Variants in MGMT observed in about 807,000 individuals in gnomAD.
MGMT encodes O-6-methylguanine-DNA methyltransferase.
MGMT carries 14 observed loss-of-function variants against 15.9 expected under a neutral mutation model. That is an observed-to-expected ratio of 0.88 (90% CI 0.58 to 1.37). MGMT has a LOEUF of 1.37. MGMT is among the 40% of genes most tolerant of loss of function. The pLI is 0.00. For missense variants in MGMT, 282 were observed against 268.1 expected, an observed-to-expected ratio of 1.05 and a Z score of -0.36; for synonymous variants, 130 against 118.2, an observed-to-expected ratio of 1.10 and a Z score of -0.65.
At chr10:129,619,015 T>C (rs1273417332) in intron 2 of MGMT, among the ~76,000 whole-genome samples, 2 of 152,240 alleles carry the variant, frequency 1.3e-5, no homozygotes, top group African/African-American at 4.8e-5. Flanking sequence ...AGGGTCTCCA[T>C]ACTGCATTCA....
rs569308293 is a variant in MGMT, at chr10:129,597,055, G to T, written c.125+60678G>T. Reference sequence around the variant, plus strand: ...ATCTGATCTTCCTCTCCTGTAGATTGTTAGGATAAATGAGCAAGAAGATTC... The same window carrying T: ...ATCTGATCTTCCTCTCCTGTAGATTTTTAGGATAAATGAGCAAGAAGATTC... On this transcript the variant is annotated intron_variant, in intron 2 of 4. Coordinates refer to ENST00000651593, the MANE Select transcript of MGMT (RefSeq NM_002412.5). 5.3e-5 allele frequency among the ~76,000 whole-genome samples: 8 copies of T among 152,264 alleles called. No individual in the cohort carries two copies. The East Asian group carries it at 9.7e-4, about 18-fold the overall frequency.
intron 1 of MGMT, among the ~76,000 whole-genome samples, chr10:129,495,140 A>G (rs1845507744): frequency 6.6e-6 from 1 of 152,264 alleles, no homozygotes; most frequent in African/African-American, 2.4e-5. Flanking sequence ...TTCAGGATTA[A>G]CAATTTACAT....
chr10:129,532,226 A>AGTCGG lies in MGMT; in HGVS notation c.-12-4013_-12-4009dup, dbSNP rs760781856. On this transcript the variant is annotated intron_variant, in intron 1 of 4. Coordinates refer to ENST00000651593, the MANE Select transcript of MGMT (RefSeq NM_002412.5). The surrounding 1 kb of genome is among the most constrained non-coding windows in gnomAD (Gnocchi z 5.3). Reference sequence around the variant, plus strand: ...TCATGGGGATAGCACCACAGGGCTCAGTCGGGGATATGCCAGAGCTTTAGG... The same window carrying AGTCGG: ...TCATGGGGATAGCACCACAGGGCTCAGTCGGGTCGGGGATATGCCAGAGCTTTAGG... Among the ~76,000 whole-genome samples the AGTCGG allele has an allele frequency of 1.3e-5, 2 of 152,216 alleles. No individual in the cohort carries two copies. The highest frequency in any genetic ancestry group is 2.4e-5 in the African/African-American group (1 of 41,462).
chr10:129,717,129 T>C (rs1848308660), intron 3 of MGMT, among the ~76,000 whole-genome samples: 1 of 152,328 alleles, frequency 6.6e-6, no homozygotes, highest in South Asian at 2.1e-4. Context: ...TTATGAGTTC[T>C]GTGCTTCAGC....
At chr10:129,492,887 CTTGA>C (rs1235207488) in intron 1 of MGMT, among the ~76,000 whole-genome samples, 4 of 152,332 alleles carry the variant, frequency 2.6e-5, no homozygotes, top group Middle Eastern at 6.8e-3. Flanking sequence ...TGCTTGAAAT[CTTGA>C]TTGAAGTCTT....
At chr10:129,712,587 A>G (rs1429795124) in intron 3 of MGMT, among the ~76,000 whole-genome samples, 5 of 152,162 alleles carry the variant, frequency 3.3e-5, no homozygotes, top group Admixed American at 6.5e-5. Flanking sequence ...GTTAAGGGAA[A>G]GGGCCTTCAG....
intron 1 of MGMT, among the ~76,000 whole-genome samples, chr10:129,501,664 C>A (rs1347091445): frequency 6.6e-6 from 1 of 152,192 alleles, no homozygotes; most frequent in Non-Finnish European, 1.5e-5. Context: ...CATCGAAGCA[C>A]CTGCCGCAGG....
At chr10:129,568,914 A>G (rs1352470786) in intron 2 of MGMT, among the ~76,000 whole-genome samples, 1 of 152,204 alleles carries the variant, frequency 6.6e-6, no homozygotes, top group East Asian at 1.9e-4. Context: ...CAGGTTTTCA[A>G]AGCATTCTAT....
At chr10:129,749,823 C>T (rs1286559091) in intron 3 of MGMT, among the ~76,000 whole-genome samples, 5 of 152,066 alleles carry the variant, frequency 3.3e-5, no homozygotes, top group Non-Finnish European at 7.4e-5. Flanking sequence ...TTCTAAAAGC[C>T]ATTGTAATCA....
intron 3 of MGMT, among the ~76,000 whole-genome samples, chr10:129,748,079 C>G (rs1848713859): frequency 6.6e-6 from 1 of 152,158 alleles, no homozygotes; most frequent in Non-Finnish European, 1.5e-5. Context: ...TCCCCCATCT[C>G]CCCTGCGTAC....
At chr10:129,706,404 A>G (rs1338681572) in intron 2 of MGMT, among the ~76,000 whole-genome samples, 1 of 152,164 alleles carries the variant, frequency 6.6e-6, no homozygotes, top group Non-Finnish European at 1.5e-5. Context: ...GAGGAGAAAC[A>G]TTCTGTAGAT....
At chr10:129,737,686 T>A (rs1206862369) in intron 3 of MGMT, among the ~76,000 whole-genome samples, 1 of 152,262 alleles carries the variant, frequency 6.6e-6, no homozygotes, top group Non-Finnish European at 1.5e-5. Flanking sequence ...TTTGTGGTTT[T>A]ATCTACCTTT....
At chr10:129,628,170 T>C (rs1279518907) in intron 2 of MGMT, among the ~76,000 whole-genome samples, 2 of 152,230 alleles carry the variant, frequency 1.3e-5, no homozygotes, top group South Asian at 2.1e-4. Flanking sequence ...GAAGATGCTT[T>C]TGTAGAAATA....
chr10:129,764,215 A>C (rs1848907107), intron 4 of MGMT, among the ~76,000 whole-genome samples: 1 of 152,358 alleles, frequency 6.6e-6, no homozygotes, highest in African/African-American at 2.4e-5. Flanking sequence ...CCGGAGGCTG[A>C]GACAGGCCTG....
At chr10:129,619,755 G>A (rs887542048) in intron 2 of MGMT, among the ~76,000 whole-genome samples, 6 of 152,056 alleles carry the variant, frequency 3.9e-5, no homozygotes, top group South Asian at 2.1e-4. Context: ...TTAATTGTTC[G>A]TAATCTTCTC....
chr10:129,761,236 C>A (rs549089159), intron 4 of MGMT, among the ~76,000 whole-genome samples: 1 of 151,508 alleles, frequency 6.6e-6, no homozygotes, highest in South Asian at 2.1e-4. Context: ...GCAGTGTCTA[C>A]TCTTTGTGCC....
At chr10:129,587,904 A>T (rs1201221787) in intron 2 of MGMT, among the ~76,000 whole-genome samples, 1 of 151,984 alleles carries the variant, frequency 6.6e-6, no homozygotes, top group South Asian at 2.1e-4. Flanking sequence ...TAATTTTTGA[A>T]TGGATGCTTT....
chr10:129,548,689 G>A (rs1052424653), intron 2 of MGMT, among the ~76,000 whole-genome samples: 3 of 152,246 alleles, frequency 2.0e-5, no homozygotes, highest in Admixed American at 6.5e-5. Flanking sequence ...CCTGTGGGCC[G>A]TGCAGGGTGC....
At chr10:129,700,666 A>C (rs1848088111) in intron 2 of MGMT, 1 of 152,214 alleles carries the variant, frequency 6.6e-6, no homozygotes, top group Non-Finnish European at 1.5e-5. Flanking sequence ...TTTGTCTGAA[A>C]TACAGAGTCA....
Sources: gnomAD v4.1 joint callset for allele counts (sites outside exome capture counted in the v4.1 genomes callset) on GRCh38, gnomAD v4.1.1 for gene constraint, Gnocchi (gnomAD v3.1) non-coding constraint, MANE v1.5 for transcripts, NCBI Gene and HGNC (gene_info 2026-07-23, HGNC 2026-07-21) for gene names.